Variants in MID1 observed in about 807,000 individuals in gnomAD.
MID1 encodes the protein midline 1.
MID1 carries 7 observed loss-of-function variants against 40.4 expected under a neutral mutation model. The ratio of observed to expected loss-of-function variants is 0.17; its 90% CI spans 0.10 to 0.33. The LOEUF is 0.33. MID1 is among the 10% of genes least tolerant of loss of function. The pLI, the probability that MID1 is intolerant of heterozygous loss-of-function variation, is 1.00. For synonymous variants in MID1, 229 were observed against 221.2 expected, an observed-to-expected ratio of 1.04 and a Z score of -0.31; for missense variants, 367 against 558.5, an observed-to-expected ratio of 0.66 and a Z score of 3.46.
intron 2 of MID1, among the ~76,000 whole-genome samples, chrX:10,527,074 T>C (rs760052108): frequency 1.8e-5 from 2 of 112,188 alleles, no homozygotes; most frequent in African/African-American, 3.2e-5. Flanking sequence ...TTGATTTTGA[T>C]TGTGACTTGT....
chrX:10,637,420 T>A (rs1346376488), intron 1 of MID1, among the ~76,000 whole-genome samples: 1 of 107,345 alleles, frequency 9.3e-6, no homozygotes, highest in Non-Finnish European at 1.9e-5. Context: ...GTATCAGGAG[T>A]TCAAGACCAG....
intron 1 of MID1, among the ~76,000 whole-genome samples, chrX:10,734,114 A>G (rs1426252689): frequency 8.9e-6 from 1 of 112,521 alleles, no homozygotes; most frequent in Non-Finnish European, 1.9e-5. Flanking sequence ...ACTATTCACA[A>G]TAGCAAAGAC....
chrX:10,816,761 A>G (rs746429507), intron 1 of MID1, among the ~76,000 whole-genome samples: 2 of 112,407 alleles, frequency 1.8e-5, no homozygotes, highest in South Asian at 7.4e-4. Flanking sequence ...TAGTATTGCC[A>G]TTTTGAATAT....
intron 9 of MID1, 91 bp from the exon 10 acceptor site, chrX:10,449,807 C>A (rs1285994958): frequency 1.5e-6 from 1 of 675,683 alleles, no homozygotes; most frequent in Non-Finnish European, 2.4e-6. Context: ...GTTATAAAAA[C>A]ATGATCATTT....
chrX:10,614,619 GGT>G (rs1935809886), intron 1 of MID1, among the ~76,000 whole-genome samples: 1 of 111,906 alleles, frequency 8.9e-6, no homozygotes, highest in Non-Finnish European at 1.9e-5. Context: ...ACAGGAGAGT[GGT>G]TTGGAGGTGG....
intron 1 of MID1, among the ~76,000 whole-genome samples, chrX:10,810,508 G>A (rs1212977835): frequency 2.7e-5 from 3 of 111,942 alleles, no homozygotes; most frequent in African/African-American, 9.8e-5. Context: ...TTGAGTCCCT[G>A]CTCCCTGCTT....
At chrX:10,460,054 T>A in intron 7 of MID1, 1 of 419,394 alleles carries the variant, frequency 2.4e-6, no homozygotes, top group Non-Finnish European at 4.2e-6. Flanking sequence ...TCTAAAGAGG[T>A]GCAATATATT....
At chrX:10,654,883 A>G (rs1052950658) in intron 1 of MID1, among the ~76,000 whole-genome samples, 2 of 112,378 alleles carry the variant, frequency 1.8e-5, no homozygotes, top group Non-Finnish European at 3.8e-5. Flanking sequence ...AATTCCACAA[A>G]TATTGATTGA....
At chrX:10,512,537 C>T (rs1247484929) in intron 3 of MID1, among the ~76,000 whole-genome samples, 1 of 112,585 alleles carries the variant, frequency 8.9e-6, no homozygotes. Context: ...ATGGTCATAA[C>T]TGCTTGTAGT....
chrX:10,657,861 G>A (rs1460802634), intron 1 of MID1, among the ~76,000 whole-genome samples: 2 of 112,145 alleles, frequency 1.8e-5, no homozygotes, highest in Non-Finnish European at 3.8e-5. Context: ...GTTTAAATTG[G>A]TTAGTTCTAT....
intron 1 of MID1, among the ~76,000 whole-genome samples, chrX:10,640,798 A>C (rs1484565678): frequency 4.5e-5 from 5 of 111,457 alleles, no homozygotes; most frequent in African/African-American, 1.6e-4. Context: ...AAAAGAACAG[A>C]AATTATAACA....
intron 3 of MID1, among the ~76,000 whole-genome samples, chrX:10,511,006 A>T (rs1932117964): frequency 9.1e-6 from 1 of 109,962 alleles, no homozygotes; most frequent in Non-Finnish European, 1.9e-5. Context: ...GCACTTTGGG[A>T]GGCCAAGGCG....
At chrX:10,602,611 T>C (rs1282018510) in intron 1 of MID1, among the ~76,000 whole-genome samples, 2 of 112,334 alleles carry the variant, frequency 1.8e-5, no homozygotes, top group Admixed American at 9.4e-5. Flanking sequence ...TGGCATAACA[T>C]TTTTTAAAAA....
Position 10,450,834 on chromosome X carries a change from G to A in MID1, c.1656-1118C>T, listed in dbSNP as rs73492928. On this transcript the variant is annotated intron_variant, in intron 9 of 9. Coordinates refer to ENST00000317552, the MANE Select transcript of MID1 (RefSeq NM_000381.4). ...GAGTCATGCCTCTGTAATATTCATCGTATTTCAGTTATTAAGATAAACAAA... is the reference window on the plus strand; with the variant it reads ...GAGTCATGCCTCTGTAATATTCATCATATTTCAGTTATTAAGATAAACAAA... Among the ~76,000 whole-genome samples, 679 of 111,709 alleles carry A rather than the reference G, an allele frequency of 6.1e-3. 4 individuals carry two copies. Among genetic ancestry groups the A allele is most frequent in the African/African-American group, 0.021 (631 of 30,739 alleles).
intron 4 of MID1, among the ~76,000 whole-genome samples, chrX:10,494,093 T>C (rs1428574675): frequency 1.8e-5 from 2 of 112,409 alleles, no homozygotes; most frequent in Non-Finnish European, 3.8e-5. Context: ...TGGGGAAAAG[T>C]AGCTTTTCGG....
intron 1 of MID1, among the ~76,000 whole-genome samples, chrX:10,747,621 C>T (rs1220729566): frequency 4.5e-5 from 5 of 112,055 alleles, no homozygotes; most frequent in African/African-American, 1.6e-4. Context: ...TTTGTCGTAG[C>T]CTATTAATTT....
chrX:10,752,866 C>T (rs1223872602), intron 1 of MID1, among the ~76,000 whole-genome samples: 2 of 112,175 alleles, frequency 1.8e-5, no homozygotes, highest in African/African-American at 6.5e-5. Context: ...TACAACACAT[C>T]TGAAATTCTA....
intron 4 of MID1, among the ~76,000 whole-genome samples, chrX:10,490,735 T>G (rs1930900012): frequency 8.9e-6 from 1 of 112,083 alleles, no homozygotes; most frequent in African/African-American, 3.2e-5. Flanking sequence ...TCTGAAGTAG[T>G]TTATATGAGA....
intron 1 of MID1, among the ~76,000 whole-genome samples, chrX:10,776,674 T>A (rs1478828293): frequency 9.0e-6 from 1 of 111,288 alleles, no homozygotes; most frequent in Non-Finnish European, 1.9e-5. Context: ...AAGACCAGCC[T>A]GGGCAACATG....
Sources: gnomAD v4.1 joint callset for allele counts (sites outside exome capture counted in the v4.1 genomes callset) on GRCh38, gnomAD v4.1.1 for gene constraint, MANE v1.5 for transcripts, NCBI Gene and HGNC (gene_info 2026-07-23, HGNC 2026-07-21) for gene names.